Variants in ANO1 observed in about 807,000 individuals in gnomAD.
The protein encoded by ANO1 is anoctamin 1.
Under a neutral mutation model 124.0 loss-of-function variants are expected in ANO1, and 59 were observed. The observed-to-expected ratio is 0.48, with a 90% CI of 0.39 to 0.59. ANO1 has a LOEUF of 0.59. ANO1 is among the 20% of genes least tolerant of loss of function. The pLI, the probability that ANO1 is intolerant of heterozygous loss-of-function variation, is 0.00. For missense variants in ANO1, 1,059 were observed against 1,328.0 expected, an observed-to-expected ratio of 0.80 and a Z score of 3.15; for synonymous variants, 529 against 532.0, an observed-to-expected ratio of 0.99 and a Z score of 0.08.
At chr11:69,999,622 C>G (rs1856342443) in intron 1 of ANO1, among the ~76,000 whole-genome samples, 1 of 152,142 alleles carries the variant, frequency 6.6e-6, no homozygotes, top group African/African-American at 2.4e-5. Context: ...CCCTCCTCAC[C>G]CGCTAACATA....
intron 22 of ANO1, among the ~76,000 whole-genome samples, chr11:70,172,220 C>T (rs1399922914): frequency 6.6e-6 from 1 of 151,902 alleles, no homozygotes. Flanking sequence ...TTAGTGAGCT[C>T]CCTGTTACCA....
At chr11:70,005,100 G>A (rs906601688) in intron 1 of ANO1, among the ~76,000 whole-genome samples, 11 of 105,312 alleles carry the variant, frequency 1.0e-4, no homozygotes, top group African/African-American at 3.6e-5. Context: ...GTGACAGAGC[G>A]AGATTCCAAC....
intron 14 of ANO1, 124 bp from the exon 15 acceptor site, chr11:70,155,786 CT>C (rs1207704341): frequency 2.4e-6 from 2 of 835,986 alleles, no homozygotes; most frequent in Non-Finnish European, 3.6e-6. Flanking sequence ...TGGCAGTGAG[CT>C]TACGGCCCGC....
At position 70,167,325 on chromosome 11, in the gene ANO1, G is replaced by C. The variant is rs764791417; in HGVS notation, c.2135G>C (p.Arg712Pro). Residue 712 changes from arginine (R) to proline (P), a missense_variant, in exon 21 of 26, where the codon CGG becomes CCG. Coordinates refer to ENST00000355303, the MANE Select transcript of ANO1 (RefSeq NM_018043.7). ...GAGGAGTGTGTGAAGAGGAAACAGC[G>C]GTACGAGGTGGATTACAACCTGGAG... Reference protein sequence around the residue: ...DHEECVKRKQRYEVDYNLEPF... With the variant: ...DHEECVKRKQPYEVDYNLEPF... 6.2e-6 allele frequency: 10 copies of C among 1,613,754 alleles called. No homozygotes were observed. The highest frequency in any genetic ancestry group is 8.5e-6 in the Non-Finnish European group (10 of 1,179,838).
chr11:70,060,524 C>T (rs1203633642), intron 1 of ANO1, among the ~76,000 whole-genome samples: 3 of 152,068 alleles, frequency 2.0e-5, no homozygotes, highest in African/African-American at 4.8e-5. Flanking sequence ...GAAATTGGGC[C>T]CATGGTAATA....
chr11:70,128,051 C>T (rs1298783519), intron 10 of ANO1, among the ~76,000 whole-genome samples: 2 of 152,134 alleles, frequency 1.3e-5, no homozygotes, highest in Non-Finnish European at 2.9e-5. Flanking sequence ...CTGTAAAGAC[C>T]CAATCAGTCT....
chr11:69,984,913 T>G (rs1279109485), upstream of ANO1, among the ~76,000 whole-genome samples: 1 of 152,106 alleles, frequency 6.6e-6, no homozygotes, highest in African/African-American at 2.4e-5. Context: ...TAGCATTCTG[T>G]TTATGGTAGT....
chr11:70,126,762 C>T (rs2515278), intron 10 of ANO1, among the ~76,000 whole-genome samples: 120,852 of 147,974 alleles, frequency 0.82, 49,441 homozygotes, highest in Middle Eastern at 0.88. Context: ...TGCCAGACTT[C>T]GGTGCAGGCT....
intron 24 of ANO1, 104 bp from the exon 25 acceptor site, chr11:70,185,486 C>T: frequency 9.5e-7 from 1 of 1,055,162 alleles, no homozygotes; most frequent in Non-Finnish European, 1.4e-6. Flanking sequence ...GGCAGCCGCA[C>T]ACCAAGCTGA....
chr11:70,155,421 C>T (rs1413216182), intron 14 of ANO1, among the ~76,000 whole-genome samples: 1 of 152,198 alleles, frequency 6.6e-6, no homozygotes, highest in Non-Finnish European at 1.5e-5. Context: ...CCCTTTATTT[C>T]CTCCTCTGTT....
intron 9 of ANO1, 30 bp downstream of exon 9, chr11:70,124,444 A>T (rs781480428): frequency 6.2e-6 from 10 of 1,607,870 alleles, no homozygotes; most frequent in Non-Finnish European, 7.7e-6. Context: ...TGCGGGAATC[A>T]AGTCCCTACT....
chr11:70,173,821 C>G (rs879855374), intron 22 of ANO1, among the ~76,000 whole-genome samples: 6 of 152,156 alleles, frequency 3.9e-5, no homozygotes, highest in African/African-American at 7.2e-5. Context: ...GAGGCCGACG[C>G]AGGTGGATCA....
chr11:70,179,324 G>T (rs1182498806), intron 22 of ANO1, among the ~76,000 whole-genome samples: 2 of 152,222 alleles, frequency 1.3e-5, no homozygotes, highest in African/African-American at 4.8e-5. Flanking sequence ...CCATTTCTAG[G>T]AATTGCAACA....
chr11:70,105,842 C>T lies in ANO1; in HGVS notation c.747+54C>T, dbSNP rs566032877. Reference sequence around the variant, plus strand: ...TCACTGGCAAGATGGCCCTGGGGATCCAGATGATAATTTCATTTTGGTGAA... The same window carrying T: ...TCACTGGCAAGATGGCCCTGGGGATTCAGATGATAATTTCATTTTGGTGAA... On this transcript the variant is annotated intron_variant, in intron 5 of 25. Coordinates refer to ENST00000355303, the MANE Select transcript of ANO1 (RefSeq NM_018043.7). 48 of 1,555,930 alleles carry T rather than the reference C, an allele frequency of 3.1e-5. 1 individual carries two copies. In the Admixed American group the frequency reaches 6.6e-4, roughly 21 times the overall value.
At chr11:70,101,585 CAAAAAAAAAAA>C (rs71463659) in intron 2 of ANO1, among the ~76,000 whole-genome samples, 2 of 75,896 alleles carry the variant, frequency 2.6e-5, no homozygotes, top group East Asian at 4.3e-4. Context: ...GATTAAAAAC[CAAAAAAAAAAA>C]AAAAAAAAAA....
intron 1 of ANO1, among the ~76,000 whole-genome samples, chr11:70,002,595 C>T (rs1004938285): frequency 5.9e-5 from 9 of 152,260 alleles, no homozygotes; most frequent in South Asian, 4.1e-4. Flanking sequence ...GCGGTGGCTA[C>T]GTCATCTCAG....
intron 1 of ANO1, among the ~76,000 whole-genome samples, chr11:70,022,670 T>C (rs895630710): frequency 6.6e-6 from 1 of 151,786 alleles, no homozygotes. Flanking sequence ...TCACCTAGCT[T>C]GCTTTCCCCC....
At chr11:70,111,981 C>T (rs1374871706) in intron 7 of ANO1, among the ~76,000 whole-genome samples, 7 of 47,114 alleles carry the variant, frequency 1.5e-4, no homozygotes, top group South Asian at 1.4e-3. Context: ...CCCACCAAAA[C>T]GGGGGCACGG....
intron 2 of ANO1, among the ~76,000 whole-genome samples, chr11:70,091,516 G>A (rs754346990): frequency 1.1e-4 from 17 of 152,182 alleles, no homozygotes; most frequent in Non-Finnish European, 1.8e-4. Flanking sequence ...GCCAGTGTAC[G>A]TGGGGGGCAA....
Sources: gnomAD v4.1 joint callset for allele counts (sites outside exome capture counted in the v4.1 genomes callset) on GRCh38, gnomAD v4.1.1 for gene constraint, MANE v1.5 for transcripts, NCBI Gene and HGNC (gene_info 2026-07-23, HGNC 2026-07-21) for gene names.